ZNF91: variants seen among roughly 807,000 people sequenced by gnomAD.
The protein encoded by ZNF91 is zinc finger protein 91, also known as zinc finger protein 91 (HPF7, HTF10).
A neutral mutation model predicts 12.6 loss-of-function variants in ZNF91; 7 were observed. The observed-to-expected ratio is 0.55, with a 90% CI of 0.31 to 1.04. The LOEUF (loss-of-function observed/expected upper bound fraction) is 1.04, where lower values mean the gene tolerates loss of function less well. Ranked by LOEUF, ZNF91 falls within the 50% of genes least tolerant of loss-of-function variation. The pLI is 0.05. For missense variants in ZNF91, 1,217 were observed against 1,385.4 expected, an observed-to-expected ratio of 0.88 and a Z score of 1.93; for synonymous variants, 453 against 462.6, an observed-to-expected ratio of 0.98 and a Z score of 0.27.
chr19:23,315,679 G>A (rs1290573274), intron 1 of ZNF91, among the ~76,000 whole-genome samples: 3 of 152,090 alleles, frequency 2.0e-5, no homozygotes, highest in African/African-American at 4.8e-5. Flanking sequence ...CCTGCCCATG[G>A]GTGTGATTGT....
chr19:23,323,558 T>G (rs1967760274), intron 1 of ZNF91, among the ~76,000 whole-genome samples: 1 of 150,706 alleles, frequency 6.6e-6, no homozygotes, highest in Admixed American at 6.6e-5. Context: ...CCTCTTCCTT[T>G]TTCCTTTTCC....
chr19:23,360,826 T>C lies in ZNF91; in HGVS notation c.2153A>G (p.Glu718Gly). Residue 718 changes from glutamate (E) to glycine (G), a missense_variant, in exon 4 of 4, where the codon GAA becomes GGA. Glu to Gly is a moderately conservative substitution (Grantham distance 98). Around this residue, in one of 2 missense-constraint regions of ZNF91, gnomAD observed 726 missense variants for 895.5 expected, o/e 0.81. Coordinates refer to ENST00000300619, the MANE Select transcript of ZNF91 (RefSeq NM_003430.4). ...AGATCGATTAAAAGCTTTGCCACATTCTTCACATTTGTAGAGTTTCTCTCC... is the reference window on the plus strand; with the variant it reads ...AGATCGATTAAAAGCTTTGCCACATCCTTCACATTTGTAGAGTTTCTCTCC... ...HAGEKLYKCE[E>G]CGKAFNRSSN... The C allele has an allele frequency of 6.2e-7, 1 of 1,613,622 alleles. No homozygotes were observed. The highest frequency in any genetic ancestry group is 8.5e-7 in the Non-Finnish European group (1 of 1,179,756).
At chr19:23,374,888 T>C in intron 1 of ZNF91, 124 bp from the exon 2 acceptor site, 1 of 1,450,516 alleles carries the variant, frequency 6.9e-7, no homozygotes, top group South Asian at 1.3e-5. Context: ...GCTGAAATTA[T>C]CCAATAAAAT....
Position 23,381,203 on chromosome 19 carries a change from G to A in ZNF91, c.31-6439C>T, listed in dbSNP as rs188898925. 5.3e-5 allele frequency among the ~76,000 whole-genome samples: 8 copies of A among 152,112 alleles called. No homozygotes were observed. In the East Asian group the frequency reaches 5.8e-4, roughly 11 times the overall value. ...TATGTAGGATTTTAAAAAATTTTCT[G>A]CAACTATAATTCAGTTGAAAAACTA... On this transcript the variant is annotated intron_variant, in intron 1 of 3. Coordinates refer to ENST00000300619, the MANE Select transcript of ZNF91 (RefSeq NM_003430.4).
At chr19:23,351,761 G>A (rs913406856) in intron 3 of ZNF91, among the ~76,000 whole-genome samples, 9 of 152,228 alleles carry the variant, frequency 5.9e-5, no homozygotes, top group African/African-American at 9.6e-5. Context: ...GAAATAGACC[G>A]CTCCTGCAGG....
At chr19:23,372,641 C>T (rs905096069) in intron 3 of ZNF91, among the ~76,000 whole-genome samples, 3 of 152,204 alleles carry the variant, frequency 2.0e-5, no homozygotes, top group Non-Finnish European at 4.4e-5. Flanking sequence ...CCAAACTCTT[C>T]CCAGCTACAG....
At chr19:23,323,280 TCTC>T (rs1445268753) in intron 1 of ZNF91, among the ~76,000 whole-genome samples, 8 of 143,922 alleles carry the variant, frequency 5.6e-5, no homozygotes, top group African/African-American at 1.6e-4. Context: ...TTCTTTCTTC[TCTC>T]CTCCTCCCCT....
chr19:23,356,060 T>C (rs1439902115), downstream of ZNF91, among the ~76,000 whole-genome samples: 3 of 152,150 alleles, frequency 2.0e-5, no homozygotes, highest in Admixed American at 2.0e-4. Flanking sequence ...GAATGTAAAC[T>C]GATAGAGCCA....
intron 2 of ZNF91, 89 bp from the exon 3 acceptor site, chr19:23,373,926 A>G: frequency 1.4e-6 from 1 of 718,136 alleles, no homozygotes; most frequent in Non-Finnish European, 2.1e-6. Flanking sequence ...CATATAATAG[A>G]ATATTCTAAT....
In ZNF91 at chr19:23,359,425, G is replaced by C; in HGVS notation, c.3554C>G (p.Thr1185Arg). 1 of 1,286,046 alleles carries C rather than the reference G, an allele frequency of 7.8e-7. No homozygotes were observed. Among genetic ancestry groups the C allele is most frequent in the Non-Finnish European group, 1.1e-6 (1 of 897,258 alleles). The allele number at this position is 1,286,046 out of a possible 1,614,324, so 79.7% of individuals were successfully genotyped here. Residue 1185 changes from threonine (T) to arginine (R), a missense_variant, in exon 4 of 4, where the codon ACA becomes AGA. Around this residue, in one of 2 missense-constraint regions of ZNF91, gnomAD observed 491 missense variants for 489.8 expected, o/e 1.00. Transcript: ENST00000300619. ...GQEMETILAN[T>R]VKPLLY The stretch of plus-strand genomic sequence containing the variant: ...TTTTTAGTAGAGAAGGGGTTTCACT[G>C]TGTTAGCCAGGATGGTCTCCATCTC...
At chr19:23,332,166 T>A (rs1309746200) in intron 1 of ZNF91, among the ~76,000 whole-genome samples, 1 of 152,264 alleles carries the variant, frequency 6.6e-6, no homozygotes, top group Non-Finnish European at 1.5e-5. Context: ...CTACCTGTGC[T>A]AGACCTATTA....
At chr19:23,328,021 A>G (rs1175870451) in intron 1 of ZNF91, 3 of 152,076 alleles carry the variant, frequency 2.0e-5, no homozygotes, top group Non-Finnish European at 4.4e-5. Flanking sequence ...CTTTTAGAAG[A>G]CAGTTTTTTA....
intron 3 of ZNF91, among the ~76,000 whole-genome samples, chr19:23,369,103 A>T (rs1969147774): frequency 6.6e-6 from 1 of 152,040 alleles, no homozygotes; most frequent in African/African-American, 2.4e-5. Context: ...CAAGGTCAGG[A>T]GTTCAAGACC....
In ZNF91 at chr19:23,362,016, G is replaced by C. The variant is rs764604132; in HGVS notation, c.963C>G (p.Pro321=). The part of the protein sequence containing the change: ...KHKRIHTGEK[P]YKCEECGKAF... ...CTTTGCCACATTCTTCACATTTGTA[G>C]GGTTTCTCTCCAGTATGAATTCTCT... is the stretch of plus-strand genomic sequence containing the variant. Residue 321 remains proline (P), a synonymous_variant, in exon 4 of 4, where the codon CCC becomes CCG. Coordinates refer to ENST00000300619, the MANE Select transcript of ZNF91 (RefSeq NM_003430.4). 1.9e-6 allele frequency: 3 copies of C among 1,613,924 alleles called. No individual in the cohort carries two copies. Among genetic ancestry groups the C allele is most frequent in the Non-Finnish European group, 2.5e-6 (3 of 1,179,954 alleles).
upstream of ZNF91, among the ~76,000 whole-genome samples, chr19:23,311,901 CAAA>C (rs78028804): frequency 5.4e-5 from 5 of 91,776 alleles, no homozygotes; most frequent in South Asian, 3.9e-4. Context: ...TAGGCCATGC[CAAA>C]AAAAAAAAAA....
At chr19:23,338,511 A>T (rs936788587), downstream of ZNF91, 4 of 152,008 alleles carry the variant, frequency 2.6e-5, no homozygotes, top group Non-Finnish European at 4.4e-5. Context: ...GAAAGATGTT[A>T]AAAAAAATTC....
intron 1 of ZNF91, chr19:23,384,806 C>CT (rs762849459): frequency 3.4e-5 from 23 of 685,206 alleles, no homozygotes; most frequent in Non-Finnish European, 5.9e-5. Context: ...ACCTCAGACT[C>CT]TGTGTTCACA....
At chr19:23,369,491 C>A (rs551216866) in intron 3 of ZNF91, among the ~76,000 whole-genome samples, 1 of 152,064 alleles carries the variant, frequency 6.6e-6, no homozygotes, top group Non-Finnish European at 1.5e-5. Context: ...CGGCCACCAC[C>A]CCGTCTGGGA....
downstream of ZNF91, among the ~76,000 whole-genome samples, chr19:23,355,004 G>A (rs1477305288): frequency 6.6e-6 from 1 of 152,102 alleles, no homozygotes; most frequent in African/African-American, 2.4e-5. Context: ...ACAAGCATGG[G>A]TAGAATAATT....
Sources: allele counts gnomAD v4.1 joint callset (sites outside exome capture counted in the v4.1 genomes callset), GRCh38; gene constraint gnomAD v4.1.1; regional missense constraint gnomAD v4.1.1; transcripts MANE v1.5; gene names NCBI Gene and HGNC (gene_info 2026-07-23, HGNC 2026-07-21).